Variants in MTUS2 observed in about 807,000 individuals in gnomAD.
The protein encoded by MTUS2 is microtubule associated scaffold protein 2.
A neutral mutation model predicts 114.1 loss-of-function variants in MTUS2; 40 were observed. The ratio of observed to expected loss-of-function variants is 0.35; its 90% confidence interval spans 0.27 to 0.46. The LOEUF (loss-of-function observed/expected upper bound fraction) is 0.46. Among genes scored for constraint, MTUS2 ranks in the 20% least tolerant of loss-of-function variants. The pLI is 1.00. For missense variants in MTUS2, 1,679 were observed against 1,705.4 expected (o/e 0.98, Z 0.27); for synonymous variants, 688 against 672.0 (o/e 1.02, Z -0.37).
intron 2 of MTUS2, among the ~76,000 whole-genome samples, chr13:28,974,941 C>G (rs1884020904): frequency 6.6e-6 from 1 of 152,168 alleles, no homozygotes; most frequent in African/African-American, 2.4e-5. Context: ...ATGCATAGCT[C>G]TTGGAAAATC....
At chr13:29,046,677 C>T (rs1429879207) in intron 4 of MTUS2, among the ~76,000 whole-genome samples, 1 of 152,214 alleles carries the variant, frequency 6.6e-6, no homozygotes, top group African/African-American at 2.4e-5. Context: ...GGTTTCTCTT[C>T]AAATAACTGG....
chr13:29,492,139 G>C (rs1426876502), intron 11 of MTUS2, among the ~76,000 whole-genome samples: 1 of 83,102 alleles, frequency 1.2e-5, no homozygotes, highest in Admixed American at 1.4e-4. Context: ...TGATGTGTGT[G>C]GTAGGTGTGT....
In MTUS2 at chr13:29,340,278, A is replaced by G. The variant is rs1901327009; in HGVS notation, c.2905+15567A>G. Among the ~76,000 whole-genome samples, 4 of 152,318 alleles carry G rather than the reference A, an allele frequency of 2.6e-5. No homozygotes were observed. The South Asian group carries it at 6.2e-4, about 24-fold the overall frequency. On this transcript the variant is annotated intron_variant, in intron 7 of 15. Coordinates refer to ENST00000612955, the MANE Select transcript of MTUS2 (RefSeq NM_001033602.4). ...GCAGAGGGGCCTAGCAGCTGCCTCTACTTTTGTGCCTGACCTTTAAAGGTA... is the reference window on the plus strand; with the variant it reads ...GCAGAGGGGCCTAGCAGCTGCCTCTGCTTTTGTGCCTGACCTTTAAAGGTA...
chr13:29,244,980 A>AAAT (rs1356788440), intron 5 of MTUS2, among the ~76,000 whole-genome samples: 2 of 148,538 alleles, frequency 1.3e-5, no homozygotes, highest in Non-Finnish European at 3.0e-5. Flanking sequence ...AAAAAAAAAA[A>AAAT]AGTAAAAGTC....
chr13:28,834,345 A>G (rs1385436983), intron 1 of MTUS2, among the ~76,000 whole-genome samples: 1 of 152,180 alleles, frequency 6.6e-6, no homozygotes, highest in Non-Finnish European at 1.5e-5. Flanking sequence ...TCAGTGGTAT[A>G]AAATTGATCC....
intron 2 of MTUS2, among the ~76,000 whole-genome samples, chr13:28,951,801 A>G (rs1008136839): frequency 2.0e-5 from 3 of 151,894 alleles, no homozygotes; most frequent in Non-Finnish European, 4.4e-5. Context: ...TCTGGCTCAA[A>G]GAAAAAAAAA....
intron 9 of MTUS2, among the ~76,000 whole-genome samples, chr13:29,442,445 C>T (rs933975817): frequency 2.0e-5 from 3 of 152,184 alleles, no homozygotes; most frequent in East Asian, 1.9e-4. Flanking sequence ...CCCCACACAA[C>T]GTCTCAGACC....
intron 4 of MTUS2, among the ~76,000 whole-genome samples, chr13:29,072,725 T>A (rs1888999354): frequency 6.6e-6 from 1 of 152,248 alleles, no homozygotes; most frequent in Non-Finnish European, 1.5e-5. Context: ...ATCACTGTTA[T>A]GAAGGATCCA....
chr13:29,498,673 G>T (rs1417070227), intron 14 of MTUS2, 136 bp downstream of exon 14: 1 of 1,232,260 alleles, frequency 8.1e-7, no homozygotes, highest in Non-Finnish European at 1.1e-6. Flanking sequence ...AAATCCCACA[G>T]CTGGCCTTTC....
chr13:29,184,856 A>G (rs1187274450), intron 5 of MTUS2, among the ~76,000 whole-genome samples: 1 of 152,194 alleles, frequency 6.6e-6, no homozygotes, highest in South Asian at 2.1e-4. Flanking sequence ...AAAATTGATG[A>G]GACATGCAAA....
intron 5 of MTUS2, among the ~76,000 whole-genome samples, chr13:29,201,720 A>G (rs1041898639): frequency 6.6e-6 from 1 of 152,162 alleles, no homozygotes; most frequent in African/African-American, 2.4e-5. Context: ...ATCTCTCAGC[A>G]TTTGCTCGTC....
intron 9 of MTUS2, among the ~76,000 whole-genome samples, chr13:29,479,512 A>G (rs1880984405): frequency 1.3e-5 from 2 of 152,188 alleles, no homozygotes; most frequent in Admixed American, 1.3e-4. Flanking sequence ...ATCTGTGATT[A>G]GGGGTGGAGT....
At chr13:29,014,689 G>A (rs1024701078) in intron 2 of MTUS2, among the ~76,000 whole-genome samples, 1 of 152,232 alleles carries the variant, frequency 6.6e-6, no homozygotes, top group African/African-American at 2.4e-5. Flanking sequence ...CACATGCAGA[G>A]CTGTGTCGAC....
At chr13:28,850,863 G>A (rs1876224316) in intron 2 of MTUS2, among the ~76,000 whole-genome samples, 1 of 152,036 alleles carries the variant, frequency 6.6e-6, no homozygotes, top group Admixed American at 6.5e-5. Flanking sequence ...GAGATCATTG[G>A]GTAGAGAAAA....
chr13:28,917,113 C>T (rs566773151), intron 2 of MTUS2, among the ~76,000 whole-genome samples: 22 of 151,908 alleles, frequency 1.4e-4, no homozygotes, highest in Non-Finnish European at 2.4e-4. Context: ...GGAATTAATC[C>T]GACCTGGTCA....
At position 29,177,886 on chromosome 13, in the gene MTUS2, A is replaced by G. The variant is rs201572313; in HGVS notation, c.2644+76916A>G. 9.2e-5 allele frequency among the ~76,000 whole-genome samples: 14 copies of G among 152,286 alleles called. No individual in the cohort carries two copies. In the East Asian group the frequency reaches 2.5e-3, roughly 27 times the overall value. ...GGAGTCAAGGAAACCCACCACTGTT[A>G]TCTCCCAGGATCCCTCAGATTCCCT... On this transcript the variant is annotated intron_variant, in intron 5 of 15. Coordinates refer to ENST00000612955, the MANE Select transcript of MTUS2 (RefSeq NM_001033602.4).
At chr13:29,338,304 C>A (rs1430638276) in intron 7 of MTUS2, among the ~76,000 whole-genome samples, 1 of 151,956 alleles carries the variant, frequency 6.6e-6, no homozygotes, top group African/African-American at 2.4e-5. Context: ...AAAATATTTG[C>A]AGCCAGAGGC....
At chr13:29,457,673 T>A (rs73444101) in intron 9 of MTUS2, among the ~76,000 whole-genome samples, 9,762 of 152,052 alleles carry the variant, frequency 0.064, 343 homozygotes, top group African/African-American at 0.086. Context: ...ACATATAGAA[T>A]TGCTGGTCAT....
chr13:29,145,731 TATC>T (rs1184554019), intron 5 of MTUS2, among the ~76,000 whole-genome samples: 1 of 152,150 alleles, frequency 6.6e-6, no homozygotes, highest in Non-Finnish European at 1.5e-5. Context: ...AGCTTTCTAT[TATC>T]ATATGTTTTC....
Sources: gnomAD v4.1 joint callset for allele counts (sites outside exome capture counted in the v4.1 genomes callset) on GRCh38, gnomAD v4.1.1 for gene constraint, MANE v1.5 for transcripts, NCBI Gene and HGNC (gene_info 2026-07-23, HGNC 2026-07-21) for gene names.